ASIC2: variants seen among roughly 807,000 people sequenced by gnomAD.
ASIC2 encodes acid sensing ion channel subunit 2, also known as acid-sensing ion channel 2.
In ASIC2, 25 loss-of-function variants were observed where a neutral mutation model predicts 57.3. That is an observed-to-expected ratio of 0.44 (90% CI 0.32 to 0.61). The LOEUF is 0.61. Among genes scored for constraint, ASIC2 ranks in the 20% least tolerant of loss-of-function variants. ASIC2 has a pLI of 0.06. For missense variants in ASIC2, 641 were observed against 738.1 expected (o/e 0.87, Z 1.52); for synonymous variants, 319 against 307.5 (o/e 1.04, Z -0.39).
chr17:33,676,769 A>G (rs1907835437), intron 1 of ASIC2, among the ~76,000 whole-genome samples: 1 of 152,250 alleles, frequency 6.6e-6, no homozygotes, highest in African/African-American at 2.4e-5. Context: ...AGCTAAGATA[A>G]TTGATGAAGG....
chr17:34,090,223 C>T (rs981162302), intron 1 of ASIC2, among the ~76,000 whole-genome samples: 9 of 152,184 alleles, frequency 5.9e-5, no homozygotes, highest in Non-Finnish European at 8.8e-5. Context: ...GCATCCTTGT[C>T]CTTCTTCCCT....
chr17:33,291,855 C>G lies in ASIC2; in HGVS notation c.261G>C (p.Ala87=), dbSNP rs1299473501. 4 of 1,603,312 alleles carry G rather than the reference C, an allele frequency of 2.5e-6. No individual in the cohort carries two copies. The East Asian group carries it at 6.8e-5, about 27-fold the overall frequency. The part of the protein sequence containing the change: ...TAAGGSFQRR[A]LWVLAFCTSF... ...ATGTACAGAAGGCCAGCACCCACAG[C>G]GCCCGCCGCTGGAAGGAGCCCCCAG... is the stretch of plus-strand genomic sequence containing the variant. Residue 87 remains alanine (A), a synonymous_variant, in exon 1 of 10, where the codon GCG becomes GCC. Transcript: ENST00000225823.
chr17:33,757,921 G>C (rs1339048175), intron 1 of ASIC2, among the ~76,000 whole-genome samples: 2 of 152,212 alleles, frequency 1.3e-5, no homozygotes, highest in Non-Finnish European at 2.9e-5. Context: ...GATTGGGAGG[G>C]TATGAGCTGC....
chr17:33,543,590 T>G (rs1915489710), intron 1 of ASIC2, among the ~76,000 whole-genome samples: 1 of 152,228 alleles, frequency 6.6e-6, no homozygotes, highest in South Asian at 2.1e-4. Flanking sequence ...GATTAATTCA[T>G]CAGTAATGAA....
At chr17:33,837,597 C>T (rs62055859) in intron 1 of ASIC2, among the ~76,000 whole-genome samples, 1 of 152,172 alleles carries the variant, frequency 6.6e-6, no homozygotes, top group South Asian at 2.1e-4. Flanking sequence ...CTCCTAAATG[C>T]CTCTCTACTT....
At chr17:33,870,214 G>A (rs1567740478) in intron 1 of ASIC2, among the ~76,000 whole-genome samples, 1 of 128,220 alleles carries the variant, frequency 7.8e-6, no homozygotes, top group Non-Finnish European at 1.6e-5. Context: ...GGGCTGTGAT[G>A]AGAAATTCTG....
chr17:34,039,258 G>A, intron 1 of ASIC2: 2 of 1,613,964 alleles, frequency 1.2e-6, no homozygotes, highest in South Asian at 2.2e-5. Context: ...GGGTCTGTCT[G>A]TGCTGGATGG....
At chr17:33,819,014 C>T (rs1479106638) in intron 1 of ASIC2, among the ~76,000 whole-genome samples, 2 of 152,202 alleles carry the variant, frequency 1.3e-5, no homozygotes, top group Non-Finnish European at 2.9e-5. Context: ...GAAAAAGCAT[C>T]ATGCTTGTGG....
intron 1 of ASIC2, among the ~76,000 whole-genome samples, chr17:33,407,065 T>C (rs1910498106): frequency 6.6e-6 from 1 of 152,234 alleles, no homozygotes; most frequent in South Asian, 2.1e-4. Flanking sequence ...GTTATTTAGT[T>C]TCTCTGAGTC....
chr17:33,851,085 A>G (rs933915396), intron 1 of ASIC2, among the ~76,000 whole-genome samples: 1 of 152,152 alleles, frequency 6.6e-6, no homozygotes, highest in Non-Finnish European at 1.5e-5. Context: ...AAAGGCAGAG[A>G]TCCCCAAAGG....
chr17:33,599,351 C>T (rs1402644882), intron 1 of ASIC2, among the ~76,000 whole-genome samples: 1 of 152,092 alleles, frequency 6.6e-6, no homozygotes, highest in African/African-American at 2.4e-5. Flanking sequence ...GAAAAGGAGC[C>T]TGATGAGGTA....
chr17:33,914,716 C>A (rs1915547474), intron 1 of ASIC2, among the ~76,000 whole-genome samples: 1 of 152,162 alleles, frequency 6.6e-6, no homozygotes, highest in Non-Finnish European at 1.5e-5. Flanking sequence ...CAAACCCAGG[C>A]CAGTCTGACT....
intron 1 of ASIC2, among the ~76,000 whole-genome samples, chr17:33,155,453 T>C (rs770920802): frequency 1.3e-5 from 2 of 152,206 alleles, no homozygotes; most frequent in African/African-American, 2.4e-5. Flanking sequence ...TTTAGATGTA[T>C]GCTGTCATTT....
At chr17:34,029,628 C>G (rs1157103677) in intron 1 of ASIC2, among the ~76,000 whole-genome samples, 3 of 152,124 alleles carry the variant, frequency 2.0e-5, no homozygotes, top group African/African-American at 7.2e-5. Flanking sequence ...AGGCTCCAAT[C>G]TGATAAGACT....
chr17:33,813,954 G>A (rs1376016623), intron 1 of ASIC2, among the ~76,000 whole-genome samples: 1 of 152,088 alleles, frequency 6.6e-6, no homozygotes, highest in African/African-American at 2.4e-5. Context: ...GGTCTCTGTG[G>A]GGACATTCTC....
In ASIC2 at chr17:33,424,911, T is replaced by G. The variant is rs544955104; in HGVS notation, c.556-312844A>C. On this transcript the variant is annotated intron_variant, in intron 1 of 9. Coordinates refer to the ASIC2 transcript ENST00000359872. ...AACCTGGGAGCCACTTGCACCTTCT[T>G]TTTGTGCTGCAGAATCTGTCAGTGG... is the stretch of plus-strand genomic sequence containing the variant. Among the ~76,000 whole-genome samples, 29 of 152,338 alleles carry G rather than the reference T, an allele frequency of 1.9e-4. No homozygotes were observed. The East Asian group carries it at 2.3e-3, about 12-fold the overall frequency.
chr17:34,045,699 A>G (rs971235329), intron 1 of ASIC2, among the ~76,000 whole-genome samples: 1 of 152,218 alleles, frequency 6.6e-6, no homozygotes, highest in Non-Finnish European at 1.5e-5. Flanking sequence ...AAAGTAACAC[A>G]TCGACAAAGA....
chr17:33,143,343 C>A (rs1254034099), intron 1 of ASIC2, among the ~76,000 whole-genome samples: 2 of 152,162 alleles, frequency 1.3e-5, no homozygotes, highest in East Asian at 3.8e-4. Context: ...GTATTAATCT[C>A]ATGATGAAAA....
At chr17:33,394,431 G>C (rs1464842873) in intron 1 of ASIC2, among the ~76,000 whole-genome samples, 2 of 151,824 alleles carry the variant, frequency 1.3e-5, no homozygotes, top group African/African-American at 4.8e-5. Flanking sequence ...TCAAATTACT[G>C]GGCTGGGCCC....
Sources: allele counts gnomAD v4.1 joint callset (sites outside exome capture counted in the v4.1 genomes callset), GRCh38; gene constraint gnomAD v4.1.1; transcripts MANE v1.5; gene names NCBI Gene and HGNC (gene_info 2026-07-23, HGNC 2026-07-21).